Variants in CACNA2D3 observed in about 807,000 individuals in gnomAD.
CACNA2D3 encodes calcium voltage-gated channel auxiliary subunit alpha2delta 3.
Under a neutral mutation model 160.6 loss-of-function variants are expected in CACNA2D3, and 60 were observed. The observed-to-expected ratio is 0.37, with a 90% CI of 0.30 to 0.46. The LOEUF (loss-of-function observed/expected upper bound fraction) is 0.46, where lower values mean the gene tolerates loss of function less well. Among genes scored for constraint, CACNA2D3 ranks in the 20% least tolerant of loss-of-function variants. The pLI, the probability that CACNA2D3 is intolerant of heterozygous loss-of-function variation, is 1.00. For missense variants in CACNA2D3, 1,205 were observed against 1,365.0 expected, an observed-to-expected ratio of 0.88 and a Z score of 1.85; for synonymous variants, 558 against 492.9, an observed-to-expected ratio of 1.13 and a Z score of -1.75.
At chr3:54,537,025 C>A (rs994774133) in intron 5 of CACNA2D3, among the ~76,000 whole-genome samples, 8 of 152,034 alleles carry the variant, frequency 5.3e-5, no homozygotes, top group Admixed American at 6.5e-5. Flanking sequence ...CTGTCAATAA[C>A]AATGACTCTC....
intron 9 of CACNA2D3, among the ~76,000 whole-genome samples, chr3:54,608,677 G>A (rs990827943): frequency 1.3e-5 from 2 of 152,164 alleles, no homozygotes; most frequent in African/African-American, 2.4e-5. Context: ...TCAAAGATGT[G>A]GCTTCATCCT....
chr3:54,863,978 C>T (rs1396906081), intron 17 of CACNA2D3, among the ~76,000 whole-genome samples: 3 of 152,074 alleles, frequency 2.0e-5, no homozygotes, highest in Admixed American at 6.5e-5. Flanking sequence ...CTCATCTTTC[C>T]GTGACATGTA....
intron 3 of CACNA2D3, among the ~76,000 whole-genome samples, chr3:54,333,786 C>G (rs1279735205): frequency 6.6e-6 from 1 of 152,204 alleles, no homozygotes; most frequent in Non-Finnish European, 1.5e-5. Context: ...AGGGAATCTC[C>G]CCCAACATTT....
At chr3:54,704,877 A>G (rs2106953461) in intron 11 of CACNA2D3, among the ~76,000 whole-genome samples, 1 of 151,906 alleles carries the variant, frequency 6.6e-6, no homozygotes, top group African/African-American at 2.4e-5. Context: ...CAAAAAGGAG[A>G]TTCTCTACCC....
At chr3:54,195,436 A>T (rs1395474807) in intron 2 of CACNA2D3, among the ~76,000 whole-genome samples, 4 of 152,244 alleles carry the variant, frequency 2.6e-5, no homozygotes, top group African/African-American at 7.2e-5. Flanking sequence ...ACAGAGATGC[A>T]ATGATAGACA....
At position 54,431,115 on chromosome 3, in the gene CACNA2D3, G is replaced by A. The variant is rs533738719; in HGVS notation, c.381+44341G>A. Among the ~76,000 whole-genome samples the A allele has an allele frequency of 2.6e-4, 39 of 152,096 alleles. 1 individual carries two copies. Among genetic ancestry groups the A allele is most frequent in the Admixed American group, 2.1e-3 (32 of 15,266 alleles). ...GCACTTTGGGAGGCTGAGGTGGGTGGATCATGAGGTCAGGGGATTGAGACC... is the reference window on the plus strand; with the variant it reads ...GCACTTTGGGAGGCTGAGGTGGGTGAATCATGAGGTCAGGGGATTGAGACC... On this transcript the variant is annotated intron_variant, in intron 4 of 37. Transcript: ENST00000474759.
chr3:54,889,286 T>C (rs1700000069), intron 24 of CACNA2D3, among the ~76,000 whole-genome samples: 1 of 152,112 alleles, frequency 6.6e-6, no homozygotes, highest in Admixed American at 6.5e-5. Flanking sequence ...AATGATCAGA[T>C]TTTCATTTTA....
chr3:54,654,601 G>A (rs763715503), intron 11 of CACNA2D3, among the ~76,000 whole-genome samples: 7 of 152,118 alleles, frequency 4.6e-5, no homozygotes, highest in Non-Finnish European at 8.8e-5. Context: ...AGAAGCTTGG[G>A]GGAGAAGCTC....
chr3:54,323,176 A>G (rs1331041547), intron 3 of CACNA2D3, among the ~76,000 whole-genome samples: 1 of 152,150 alleles, frequency 6.6e-6, no homozygotes, highest in African/African-American at 2.4e-5. Flanking sequence ...TTGGAATGAG[A>G]TGTCCCTTTG....
At chr3:54,221,831 C>T (rs1701579207) in intron 2 of CACNA2D3, among the ~76,000 whole-genome samples, 2 of 151,628 alleles carry the variant, frequency 1.3e-5, no homozygotes, top group African/African-American at 4.8e-5. Flanking sequence ...TGTACAGTTA[C>T]TTTTTATTTT....
At chr3:54,843,466 A>G (rs1698865097) in intron 16 of CACNA2D3, among the ~76,000 whole-genome samples, 1 of 151,988 alleles carries the variant, frequency 6.6e-6, no homozygotes. Flanking sequence ...TGGGAGAGAA[A>G]ATTGCAGGGG....
chr3:54,642,351 C>A (rs975306577), intron 11 of CACNA2D3, 110 bp downstream of exon 11: 13 of 550,414 alleles, frequency 2.4e-5, no homozygotes, highest in Non-Finnish European at 1.2e-5. Flanking sequence ...TCATAATGAT[C>A]TGTGGTTTCT....
intron 9 of CACNA2D3, among the ~76,000 whole-genome samples, chr3:54,622,529 C>A (rs1020506828): frequency 2.6e-5 from 4 of 151,880 alleles, no homozygotes; most frequent in South Asian, 2.1e-4. Context: ...CCTGCCTTGG[C>A]CTCCCAAAAT....
chr3:54,204,751 G>A (rs1420584463), intron 2 of CACNA2D3, among the ~76,000 whole-genome samples: 3 of 138,224 alleles, frequency 2.2e-5, no homozygotes, highest in Admixed American at 8.2e-5. Context: ...AGCCAAGATC[G>A]CAGCATTGCA....
At chr3:54,378,155 G>A (rs937254601) in intron 3 of CACNA2D3, among the ~76,000 whole-genome samples, 8 of 152,182 alleles carry the variant, frequency 5.3e-5, no homozygotes, top group African/African-American at 1.9e-4. Context: ...TCATCCTTCA[G>A]GTCAGCGGTC....
Position 55,018,331 on chromosome 3 carries a change from C to G in CACNA2D3, c.2987+14C>G. On this transcript the variant is annotated intron_variant, in intron 35 of 37. Coordinates refer to ENST00000474759, the MANE Select transcript of CACNA2D3 (RefSeq NM_018398.3). ...AGACTGCTCCAAGTAAGCCATCCCC[C>G]CACCCTCTAACCCCCTACACCTTTC... The G allele has an allele frequency of 6.6e-7, 1 of 1,514,614 alleles. No homozygotes were observed. The highest frequency in any genetic ancestry group is 9.2e-7 in the Non-Finnish European group (1 of 1,091,682). The allele number at this position is 1,514,614 out of a possible 1,614,324, so 93.8% of individuals were successfully genotyped here.
chr3:54,303,318 T>G (rs1236645714), intron 2 of CACNA2D3, among the ~76,000 whole-genome samples: 1 of 152,204 alleles, frequency 6.6e-6, no homozygotes, highest in Admixed American at 6.5e-5. Flanking sequence ...TTCTATAGTC[T>G]TTTCTGACAG....
chr3:54,693,983 T>A (rs755477149), intron 11 of CACNA2D3, among the ~76,000 whole-genome samples: 1 of 152,166 alleles, frequency 6.6e-6, no homozygotes, highest in Non-Finnish European at 1.5e-5. Context: ...GAAATACATT[T>A]TAAAAAATAA....
At chr3:55,043,374 C>T (rs1224234240) in intron 35 of CACNA2D3, among the ~76,000 whole-genome samples, 2 of 149,470 alleles carry the variant, frequency 1.3e-5, no homozygotes, top group Admixed American at 6.7e-5. Context: ...ACCATAGTGG[C>T]ATCTCATTGT....
Sources: allele counts gnomAD v4.1 joint callset (sites outside exome capture counted in the v4.1 genomes callset), GRCh38; gene constraint gnomAD v4.1.1; transcripts MANE v1.5; gene names NCBI Gene and HGNC (gene_info 2026-07-23, HGNC 2026-07-21).